The following TNS1 variants were observed in gnomAD, a reference collection of about 807,000 sequenced individuals.
TNS1 encodes tensin 1.
In TNS1, 62 loss-of-function variants were observed where a neutral mutation model predicts 168.6. The observed-to-expected ratio is 0.37, with a 90% CI of 0.30 to 0.45. The LOEUF (loss-of-function observed/expected upper bound fraction) is 0.45. Among genes scored for constraint, TNS1 ranks in the 20% least tolerant of loss-of-function variants. The pLI is 1.00. For synonymous variants in TNS1, 934 were observed against 933.2 expected (o/e 1.00, Z -0.02); for missense variants, 2,240 against 2,339.4 (o/e 0.96, Z 0.88).
Position 217,904,222 on chromosome 2 carries a change from C to T in TNS1, c.321+2113G>A, listed in dbSNP as rs942401420. Among the ~76,000 whole-genome samples the T allele has an allele frequency of 2.6e-5, 4 of 152,298 alleles. No homozygotes were observed. In the East Asian group the frequency reaches 7.7e-4, roughly 29 times the overall value. On this transcript the variant is annotated intron_variant, in intron 6 of 32. Coordinates refer to ENST00000682258, the MANE Select transcript of TNS1 (RefSeq NM_001387777.1). ...GCCTGGATTTTTCCAAAACAAAGTG[C>T]GACACAGCACACTATCCACAAACTC...
chr2:218,009,373 T>C (rs1308532803), intron 1 of TNS1, among the ~76,000 whole-genome samples: 2 of 150,648 alleles, frequency 1.3e-5, no homozygotes, highest in Admixed American at 1.3e-4. Flanking sequence ...ACGTCTATAC[T>C]CCCCCCACCC....
In TNS1 at chr2:217,890,997, A is replaced by G. The variant is rs1187742332; in HGVS notation, c.831T>C (p.Asp277=). The change falls in exon 12 of 33, where the codon GAT becomes GAC. Residue 277 remains aspartate (D), a synonymous_variant. Coordinates refer to ENST00000682258, the MANE Select transcript of TNS1 (RefSeq NM_001387777.1). ...ATGGCTGGCCAATGGGCACAATCTT[A>G]TCCTCATAGAACCGCTTCATTGCAA... ...DRFAMKRFYE[D]KIVPIGQPSQ... is the part of the protein sequence containing the mutation. 6.2e-7 allele frequency: 1 copy of G among 1,614,086 alleles called. No individual in the cohort carries two copies. The highest frequency in any genetic ancestry group is 2.2e-5 in the East Asian group (1 of 44,878).
chr2:217,895,186 C>G (rs1203110274), intron 8 of TNS1, 130 bp from the exon 9 acceptor site: 1 of 886,030 alleles, frequency 1.1e-6, no homozygotes, highest in African/African-American at 1.7e-5. Context: ...GAAGAGCCCA[C>G]GACAGCATCC....
intron 22 of TNS1, among the ~76,000 whole-genome samples, 196 bp from the exon 23 acceptor site, chr2:217,822,134 C>T (rs1942963670): frequency 6.6e-6 from 1 of 152,120 alleles, no homozygotes; most frequent in Non-Finnish European, 1.5e-5. Context: ...GGGCCTTGCT[C>T]AGAGGAGGGG....
At chr2:217,977,121 T>C (rs1240471737) in intron 3 of TNS1, among the ~76,000 whole-genome samples, 1 of 152,154 alleles carries the variant, frequency 6.6e-6, no homozygotes, top group African/African-American at 2.4e-5. Flanking sequence ...CAAATGTCCA[T>C]TGCTATTAAA....
Position 217,846,799 on chromosome 2 carries a change from ACT to A in TNS1, c.3007+709_3007+710del, listed in dbSNP as rs372735647. ...TTCCTCTCTCCCAAAAGAGAAGCCC[ACT>A]CTCTGATAGGAAAAGGAGCTTTGTC... is the stretch of plus-strand genomic sequence containing the variant. On this transcript the variant is annotated intron_variant, in intron 19 of 32. Transcript: ENST00000682258. 1.1e-4 allele frequency among the ~76,000 whole-genome samples: 17 copies of A among 152,052 alleles called. No individual in the cohort carries two copies. In the East Asian group the frequency reaches 3.3e-3, roughly 29 times the overall value.
chr2:217,832,110 C>A (rs1406898493), intron 21 of TNS1, among the ~76,000 whole-genome samples: 1 of 152,214 alleles, frequency 6.6e-6, no homozygotes, highest in African/African-American at 2.4e-5. Context: ...AACCCTGAGA[C>A]CTCAGGCCAG....
At chr2:217,805,262 A>G (rs1429205923) in intron 32 of TNS1, among the ~76,000 whole-genome samples, 1 of 151,742 alleles carries the variant, frequency 6.6e-6, no homozygotes, top group Non-Finnish European at 1.5e-5. Flanking sequence ...ATGTGAGCTC[A>G]GGTCCCCTCC....
intron 18 of TNS1, among the ~76,000 whole-genome samples, chr2:217,856,925 C>T (rs1380753354): frequency 6.6e-6 from 1 of 152,174 alleles, no homozygotes; most frequent in Admixed American, 6.5e-5. Context: ...CAAGTGACCT[C>T]ACCAGTGTCA....
intron 28 of TNS1, among the ~76,000 whole-genome samples, chr2:217,811,511 T>C (rs1436483274): frequency 6.6e-6 from 1 of 152,092 alleles, no homozygotes; most frequent in Non-Finnish European, 1.5e-5. Context: ...CAAGAAAGAC[T>C]AGAAAAAAAT....
intron 3 of TNS1, among the ~76,000 whole-genome samples, chr2:217,943,368 C>G (rs35776629): frequency 0.021 from 3,170 of 152,228 alleles, 48 homozygotes; most frequent in Non-Finnish European, 0.029. Flanking sequence ...GAAAGGTGCC[C>G]TCACAGCAGC....
chr2:217,945,135 C>T (rs904198231), intron 3 of TNS1, among the ~76,000 whole-genome samples: 2 of 152,228 alleles, frequency 1.3e-5, no homozygotes, highest in Non-Finnish European at 1.5e-5. Flanking sequence ...AGCTCCACAC[C>T]ACTCAGACAT....
intron 18 of TNS1, among the ~76,000 whole-genome samples, chr2:217,875,046 C>T (rs1189138872): frequency 6.6e-6 from 1 of 152,124 alleles, no homozygotes; most frequent in African/African-American, 2.4e-5. Context: ...CTTGTTTTGG[C>T]CAATTAAACA....
rs892559098 is a variant in TNS1, at chr2:217,961,687, G to A, written c.186+17078C>T. Among the ~76,000 whole-genome samples, 4 of 152,164 alleles carry A rather than the reference G, an allele frequency of 2.6e-5. 1 individual carries two copies. Among genetic ancestry groups the A allele is most frequent in the African/African-American group, 4.8e-5 (2 of 41,424 alleles). ...TACACTTTCATCCCAAATCAGCCCG[G>A]TGGGACCCCCCCATTCTTCATTCAC... On this transcript the variant is annotated intron_variant, in intron 3 of 32. Transcript: ENST00000682258.
chr2:217,953,631 C>A (rs187576724), intron 3 of TNS1, among the ~76,000 whole-genome samples: 88 of 152,274 alleles, frequency 5.8e-4, no homozygotes, highest in African/African-American at 1.9e-3. Flanking sequence ...TCCCACCCAC[C>A]TCACTGAGCC....
At chr2:217,898,796 T>A (rs1952605542) in intron 7 of TNS1, among the ~76,000 whole-genome samples, 1 of 152,226 alleles carries the variant, frequency 6.6e-6, no homozygotes, top group Non-Finnish European at 1.5e-5. Context: ...CACTGGGCAC[T>A]GGGTGAGGAA....
chr2:217,859,825 A>G, intron 18 of TNS1: 1 of 705,164 alleles, frequency 1.4e-6, no homozygotes, highest in South Asian at 1.8e-5. Flanking sequence ...TCAAGTTCCC[A>G]CCATTATCCT....
At chr2:217,997,736 G>A (rs1309962430) in intron 1 of TNS1, among the ~76,000 whole-genome samples, 1 of 152,226 alleles carries the variant, frequency 6.6e-6, no homozygotes, top group Non-Finnish European at 1.5e-5. Flanking sequence ...ATAGGCTGTT[G>A]TGAGGATGAA....
intron 32 of TNS1, among the ~76,000 whole-genome samples, chr2:217,806,657 T>C (rs1012909853): frequency 6.6e-6 from 1 of 152,192 alleles, no homozygotes; most frequent in Non-Finnish European, 1.5e-5. Flanking sequence ...GATGACCCTA[T>C]GAAGCCTGGA....
Sources: gnomAD v4.1 joint callset for allele counts (sites outside exome capture counted in the v4.1 genomes callset) on GRCh38, gnomAD v4.1.1 for gene constraint, MANE v1.5 for transcripts, NCBI Gene and HGNC (gene_info 2026-07-23, HGNC 2026-07-21) for gene names.